MYO3B: variants seen among roughly 807,000 people sequenced by gnomAD.
MYO3B encodes the protein myosin IIIB.
MYO3B carries 156 observed loss-of-function variants against 174.6 expected under a neutral mutation model. The observed-to-expected ratio is 0.89, with a 90% CI of 0.78 to 1.02. MYO3B has a LOEUF of 1.02. Ranked by LOEUF, MYO3B falls within the 50% of genes least tolerant of loss-of-function variation. The pLI is 0.00. For missense variants in MYO3B, 1,632 were observed against 1,639.4 expected, an observed-to-expected ratio of 1.00 and a Z score of 0.08; for synonymous variants, 563 against 569.1, an observed-to-expected ratio of 0.99 and a Z score of 0.15.
intron 7 of MYO3B, among the ~76,000 whole-genome samples, chr2:170,298,928 A>G (rs113817666): frequency 0.04 from 6,072 of 152,166 alleles, 139 homozygotes; most frequent in Middle Eastern, 0.068. Context: ...AAAATTGCCT[A>G]TAATATTCAG....
At chr2:170,460,058 AGAGAG>A (rs1193234234) in intron 23 of MYO3B, among the ~76,000 whole-genome samples, 1 of 152,040 alleles carries the variant, frequency 6.6e-6, no homozygotes, top group African/African-American at 2.4e-5. Flanking sequence ...CGGCCAGCCC[AGAGAG>A]GGGCTCCCAC....
intron 8 of MYO3B, among the ~76,000 whole-genome samples, chr2:170,358,821 T>C (rs79704679): frequency 0.086 from 13,083 of 152,206 alleles, 591 homozygotes; most frequent in Middle Eastern, 0.13. Context: ...TATTACTTAA[T>C]TTATAAATTT....
rs769742217 is a variant in MYO3B at position 170,194,507 on chromosome 2, GA to G, written c.3-4688del. The stretch of plus-strand genomic sequence containing the variant: ...ACAACAGAGGAAGACCCTGTCTCAA[GA>G]AAAAAAAAAAAAGAGCTTTGTTAAT... On this transcript the variant is annotated intron_variant, in intron 1 of 34. Transcript: ENST00000408978. 5.8e-3 allele frequency among the ~76,000 whole-genome samples: 785 copies of G among 136,116 alleles called. 2 individuals are homozygous for G. The highest frequency in any genetic ancestry group is 0.016 in the South Asian group (68 of 4,336). The allele number at this position is 136,116 out of a possible 152,430, so 89.3% of individuals were successfully genotyped here.
intron 7 of MYO3B, among the ~76,000 whole-genome samples, chr2:170,296,386 T>C (rs2093628975): frequency 6.6e-6 from 1 of 152,222 alleles, no homozygotes; most frequent in Non-Finnish European, 1.5e-5. Context: ...TGGTGGTTAG[T>C]GGTACAGCTA....
intron 11 of MYO3B, among the ~76,000 whole-genome samples, 187 bp from the exon 12 acceptor site, chr2:170,383,523 C>A (rs2094351182): frequency 6.6e-6 from 1 of 152,150 alleles, no homozygotes; most frequent in South Asian, 2.1e-4. Context: ...CTCTTACTAG[C>A]TCATGAAGCC....
At chr2:170,604,336 A>G (rs1187453990) in intron 32 of MYO3B, among the ~76,000 whole-genome samples, 1 of 152,198 alleles carries the variant, frequency 6.6e-6, no homozygotes, top group Non-Finnish European at 1.5e-5. Flanking sequence ...AGTTCACACA[A>G]GGTAGTGATG....
intron 7 of MYO3B, among the ~76,000 whole-genome samples, chr2:170,293,100 AC>A (rs1353135351): frequency 6.6e-6 from 1 of 151,104 alleles, no homozygotes; most frequent in African/African-American, 2.4e-5. Context: ...GAGTTTTTTC[AC>A]CTCTCTGTGG....
chr2:170,491,269 A>C (rs1686448290), intron 25 of MYO3B, among the ~76,000 whole-genome samples: 1 of 152,090 alleles, frequency 6.6e-6, no homozygotes, highest in South Asian at 2.1e-4. Context: ...AGTACTTTCC[A>C]ATTTTCTTTT....
At chr2:170,286,894 C>G (rs1229977081) in intron 7 of MYO3B, among the ~76,000 whole-genome samples, 3 of 152,006 alleles carry the variant, frequency 2.0e-5, no homozygotes, top group African/African-American at 7.2e-5. Context: ...GCTACCCTTC[C>G]TGGCCTCTGG....
intron 32 of MYO3B, among the ~76,000 whole-genome samples, chr2:170,561,729 TC>T (rs1238471345): frequency 6.6e-6 from 1 of 152,258 alleles, no homozygotes; most frequent in Non-Finnish European, 1.5e-5. Flanking sequence ...TGTAGATTGC[TC>T]TTTTTTGGTT....
chr2:170,273,908 G>A (rs945776195), intron 7 of MYO3B, among the ~76,000 whole-genome samples: 4 of 152,134 alleles, frequency 2.6e-5, no homozygotes, highest in African/African-American at 9.7e-5. Context: ...GGCAGTGGGG[G>A]GGCACCTGGG....
rs189303899 is a variant in MYO3B at position 170,286,626 on chromosome 2, T to C, written c.750-48759T>C. Among the ~76,000 whole-genome samples the C allele has an allele frequency of 1.6e-4, 24 of 152,266 alleles. No individual in the cohort carries two copies. In the East Asian group the frequency reaches 4.6e-3, roughly 29 times the overall value. ...CGTCTTACTGGGAGTTATCTGGAATTGCATAGAGTAATTTAGGAAGAATCA... is the reference window on the plus strand; with the variant it reads ...CGTCTTACTGGGAGTTATCTGGAATCGCATAGAGTAATTTAGGAAGAATCA... On this transcript the variant is annotated intron_variant, in intron 7 of 34. Transcript: ENST00000408978.
chr2:170,218,152 A>G (rs2092851228), intron 6 of MYO3B, among the ~76,000 whole-genome samples: 3 of 152,190 alleles, frequency 2.0e-5, no homozygotes, highest in Admixed American at 6.5e-5. Context: ...TGTGACTGCC[A>G]AAGTGGTCTC....
In MYO3B at chr2:170,401,664, C is replaced by G; in HGVS notation, c.2102C>G (p.Thr701Arg). The change falls in exon 18 of 35, where the codon ACA becomes AGA. Residue 701 changes from threonine to arginine, a missense_variant. Transcript: ENST00000408978. ...LFSWIVNRINTLLQPDENICS... is the reference protein window; with the variant it reads ...LFSWIVNRINRLLQPDENICS... ...AGCTGGATTGTGAATCGCATTAATA[C>G]ACTCCTGCAGCCAGACGAAAACATA... The G allele has an allele frequency of 6.2e-7, 1 of 1,614,012 alleles. No homozygotes were observed. Among genetic ancestry groups the G allele is most frequent in the Non-Finnish European group, 8.5e-7 (1 of 1,180,022 alleles).
At chr2:170,481,717 A>G (rs1685699574) in intron 25 of MYO3B, among the ~76,000 whole-genome samples, 1 of 152,202 alleles carries the variant, frequency 6.6e-6, no homozygotes, top group Non-Finnish European at 1.5e-5. Flanking sequence ...GCTTGTATGA[A>G]GTCTCCACAT....
chr2:170,301,844 C>T (rs530884764), intron 7 of MYO3B, among the ~76,000 whole-genome samples: 2 of 141,342 alleles, frequency 1.4e-5, no homozygotes, highest in East Asian at 4.2e-4. Flanking sequence ...AAACGAGCGA[C>T]ATAGAGCGGC....
intron 25 of MYO3B, 107 bp downstream of exon 25, chr2:170,466,818 T>C (rs4359605): frequency 0.58 from 681,753 of 1,181,798 alleles, 204,393 homozygotes; most frequent in Non-Finnish European, 0.62. Context: ...AAACATGTAA[T>C]TGGCTAGTTG....
rs368378914 is a variant in MYO3B, at chr2:170,272,208, G to A, written c.749+36072G>A. ...TAGAAATGCAAATTCACAGGCCCTA[G>A]CCTAGACTGACTGAATCAGAAACTG... On this transcript the variant is annotated intron_variant, in intron 7 of 34. Transcript: ENST00000408978. Among the ~76,000 whole-genome samples the A allele has an allele frequency of 3.2e-4, 49 of 152,116 alleles. No homozygotes were observed. The East Asian group carries it at 7.6e-3, about 23-fold the overall frequency.
chr2:170,626,675 G>C (rs899963670), intron 32 of MYO3B, among the ~76,000 whole-genome samples: 1 of 152,234 alleles, frequency 6.6e-6, no homozygotes. Context: ...AGTTTTTGCA[G>C]TGGCTGGTAC....
Sources: gnomAD v4.1 joint callset for allele counts (sites outside exome capture counted in the v4.1 genomes callset) on GRCh38, gnomAD v4.1.1 for gene constraint, MANE v1.5 for transcripts, NCBI Gene and HGNC (gene_info 2026-07-23, HGNC 2026-07-21) for gene names.